SIK3: variants seen among roughly 807,000 people sequenced by gnomAD.
SIK3 encodes the protein serine/threonine-protein kinase SIK3.
Under a neutral mutation model 144.2 loss-of-function variants are expected in SIK3, and 28 were observed. The observed-to-expected ratio is 0.19, with a 90% CI of 0.14 to 0.27. The LOEUF is 0.27. SIK3 is among the 10% of genes least tolerant of loss of function. SIK3 has a pLI of 1.00. For missense variants in SIK3, 1,319 were observed against 1,776.0 expected, an observed-to-expected ratio of 0.74 and a Z score of 4.62; for synonymous variants, 686 against 676.3, an observed-to-expected ratio of 1.01 and a Z score of -0.22.
Position 116,861,922 on chromosome 11 carries a change from G to C in SIK3, c.2234C>G (p.Ser745Cys). 6.2e-7 allele frequency: 1 copy of C among 1,606,858 alleles called. No homozygotes were observed. Among genetic ancestry groups the C allele is most frequent in the Non-Finnish European group, 8.5e-7 (1 of 1,176,298 alleles). The change falls in exon 18 of 25, where the codon TCT becomes TGT. Residue 745 changes from serine to cysteine, a missense_variant. Ser to Cys is a moderately radical substitution (Grantham distance 112). Around this residue, in one of 8 missense-constraint regions of SIK3, gnomAD observed 77 missense variants for 141.9 expected, o/e 0.54. Coordinates refer to ENST00000445177, the MANE Select transcript of SIK3 (RefSeq NM_001366686.3). ...HQILQQQIQD[S>C]ICPPQPSPPL... ...TGGAGATGGCTGAGGAGGACAGATA[G>C]AGTCCTAAAACATATATGGGGAAAG...
intron 4 of SIK3, among the ~76,000 whole-genome samples, chr11:116,905,828 T>C (rs1259902955): frequency 1.3e-5 from 2 of 152,364 alleles, no homozygotes; most frequent in Admixed American, 6.5e-5. Context: ...TATTATTGAG[T>C]TGTGAGTGTT....
At chr11:116,917,302 A>C (rs1169108157) in intron 4 of SIK3, among the ~76,000 whole-genome samples, 2 of 152,164 alleles carry the variant, frequency 1.3e-5, no homozygotes, top group African/African-American at 4.8e-5. Context: ...AAGAACTGTA[A>C]GTTTCTATAA....
intron 4 of SIK3, among the ~76,000 whole-genome samples, chr11:116,905,638 T>C (rs942602679): frequency 1.3e-5 from 2 of 152,224 alleles, no homozygotes; most frequent in African/African-American, 4.8e-5. Flanking sequence ...TATTACTTAT[T>C]ATTGTCAATT....
At chr11:117,004,635 A>G (rs1469899762) in intron 1 of SIK3, among the ~76,000 whole-genome samples, 1 of 152,240 alleles carries the variant, frequency 6.6e-6, no homozygotes, top group Admixed American at 6.5e-5. Context: ...AGGAAATAAC[A>G]TAGAGGCACT....
At chr11:116,954,668 T>A (rs1949074448) in intron 2 of SIK3, among the ~76,000 whole-genome samples, 1 of 152,186 alleles carries the variant, frequency 6.6e-6, no homozygotes, top group South Asian at 2.1e-4. Flanking sequence ...CGTAAGTGAT[T>A]TGTGTTTTGT....
chr11:116,852,679 C>T (rs141682181), intron 21 of SIK3, among the ~76,000 whole-genome samples: 105 of 152,296 alleles, frequency 6.9e-4, no homozygotes, highest in South Asian at 4.6e-3. Flanking sequence ...TGCATAAGGA[C>T]GTGCTGAGTC....
chr11:116,953,138 G>A (rs1400482090), intron 3 of SIK3, among the ~76,000 whole-genome samples: 1 of 151,886 alleles, frequency 6.6e-6, no homozygotes. Context: ...AGCCACAACT[G>A]ACTAGTCATT....
intron 1 of SIK3, among the ~76,000 whole-genome samples, chr11:116,995,820 T>G (rs7928776): frequency 0.046 from 6,958 of 152,188 alleles, 534 homozygotes; most frequent in African/African-American, 0.16. Flanking sequence ...TACACTTTGA[T>G]AAGCCTTTAT....
Position 116,996,088 on chromosome 11 carries a change from A to G in SIK3, c.274-39024T>C, listed in dbSNP as rs187185306. Among the ~76,000 whole-genome samples, 15 of 152,316 alleles carry G rather than the reference A, an allele frequency of 9.8e-5. 1 individual carries two copies. The East Asian group carries it at 2.7e-3, about 27-fold the overall frequency. ...TTTGGGAGGCCAAGGCAGGCAGATC[A>G]TTTTAGGCCAGGAGTTCGAGACCTG... On this transcript the variant is annotated intron_variant, in intron 1 of 24. Transcript: ENST00000445177.
At chr11:116,955,927 A>C (rs12270837) in intron 2 of SIK3, among the ~76,000 whole-genome samples, 11,027 of 152,014 alleles carry the variant, frequency 0.073, 492 homozygotes, top group African/African-American at 0.11. Context: ...CTTTTCCATA[A>C]AACTAAGAGG....
At chr11:117,028,495 A>C (rs1040611125) in intron 1 of SIK3, among the ~76,000 whole-genome samples, 1 of 152,196 alleles carries the variant, frequency 6.6e-6, no homozygotes, top group Non-Finnish European at 1.5e-5. Context: ...AAGTAGGTAC[A>C]TGGCACAGTG....
chr11:116,924,282 T>G (rs1353760684), intron 4 of SIK3, among the ~76,000 whole-genome samples: 2 of 148,972 alleles, frequency 1.3e-5, no homozygotes, highest in African/African-American at 5.0e-5. Context: ...GGCAACAGTG[T>G]GAGACTCCAT....
At chr11:117,044,204 C>T (rs1952860918) in intron 1 of SIK3, among the ~76,000 whole-genome samples, 1 of 152,106 alleles carries the variant, frequency 6.6e-6, no homozygotes, top group Non-Finnish European at 1.5e-5. Context: ...ATTATAACTC[C>T]AATACCATTA....
chr11:117,077,346 G>T (rs1389579849), intron 1 of SIK3, among the ~76,000 whole-genome samples: 2 of 152,052 alleles, frequency 1.3e-5, no homozygotes, highest in Non-Finnish European at 2.9e-5. Context: ...TTCAACCTTG[G>T]TCCTCGCTTT....
At chr11:116,919,446 A>G (rs563563865) in intron 4 of SIK3, among the ~76,000 whole-genome samples, 2 of 152,334 alleles carry the variant, frequency 1.3e-5, no homozygotes, top group South Asian at 4.1e-4. Flanking sequence ...ATTGCCAACT[A>G]AAACAATAAC....
chr11:116,890,705 T>C (rs1194710856), intron 6 of SIK3, among the ~76,000 whole-genome samples: 1 of 152,240 alleles, frequency 6.6e-6, no homozygotes, highest in Non-Finnish European at 1.5e-5. Flanking sequence ...CTATCCAATC[T>C]AATTTTTTTT....
chr11:117,028,187 G>A (rs758751044), intron 1 of SIK3, among the ~76,000 whole-genome samples: 1 of 151,936 alleles, frequency 6.6e-6, no homozygotes, highest in African/African-American at 2.4e-5. Context: ...AAGAAATGAC[G>A]GTAGGACTCA....
intron 3 of SIK3, among the ~76,000 whole-genome samples, chr11:116,949,114 G>A (rs1226975148): frequency 6.8e-6 from 1 of 147,170 alleles, no homozygotes; most frequent in South Asian, 2.2e-4. Context: ...CATGCTTAGA[G>A]AGAAATTTAT....
intron 1 of SIK3, among the ~76,000 whole-genome samples, chr11:116,987,403 A>G (rs1348447789): frequency 6.6e-6 from 1 of 152,094 alleles, no homozygotes; most frequent in East Asian, 1.9e-4. Context: ...CTGAGAGATA[A>G]TGAGTACAAC....
Sources: gnomAD v4.1 joint callset for allele counts (sites outside exome capture counted in the v4.1 genomes callset) on GRCh38, gnomAD v4.1.1 for gene constraint, gnomAD v4.1.1 regional missense constraint, MANE v1.5 for transcripts, NCBI Gene and HGNC (gene_info 2026-07-23, HGNC 2026-07-21) for gene names.